Variants in ZBTB7C observed in about 807,000 individuals in gnomAD.
ZBTB7C encodes the protein zinc finger and BTB domain-containing protein 7C.
A neutral mutation model predicts 25.7 loss-of-function variants in ZBTB7C; 8 were observed. The observed-to-expected ratio is 0.31, with a 90% confidence interval of 0.18 to 0.56. The LOEUF (loss-of-function observed/expected upper bound fraction) is 0.56. ZBTB7C is among the 20% of genes least tolerant of loss of function. The pLI, the probability that ZBTB7C is intolerant of heterozygous loss-of-function variation, is 0.91. For synonymous variants in ZBTB7C, 394 were observed against 369.0 expected, an observed-to-expected ratio of 1.07 and a Z score of -0.78; for missense variants, 824 against 855.2, an observed-to-expected ratio of 0.96 and a Z score of 0.46.
At chr18:48,240,394 T>C (rs1247649257) in intron 2 of ZBTB7C, among the ~76,000 whole-genome samples, 1 of 152,188 alleles carries the variant, frequency 6.6e-6, no homozygotes, top group African/African-American at 2.4e-5. Flanking sequence ...CACATAGTCA[T>C]CAGGTTATCT....
chr18:48,222,949 C>A (rs1248568266), intron 2 of ZBTB7C, among the ~76,000 whole-genome samples: 1 of 152,154 alleles, frequency 6.6e-6, no homozygotes, highest in Non-Finnish European at 1.5e-5. Context: ...CCAGGAAGTC[C>A]CTGCCCCTGG....
intron 1 of ZBTB7C, among the ~76,000 whole-genome samples, chr18:48,383,065 T>G (rs1341778018): frequency 1.3e-5 from 2 of 152,132 alleles, no homozygotes; most frequent in Non-Finnish European, 2.9e-5. Context: ...CCTGCTTCCC[T>G]AACCTGAGCA....
At chr18:48,099,104 C>T (rs191895145) in intron 3 of ZBTB7C, among the ~76,000 whole-genome samples, 2 of 152,318 alleles carry the variant, frequency 1.3e-5, no homozygotes, top group East Asian at 1.9e-4. Context: ...CTAAGTATTA[C>T]ACTATTACTG....
At chr18:48,375,140 T>C (rs752593993) in intron 1 of ZBTB7C, among the ~76,000 whole-genome samples, 17 of 152,356 alleles carry the variant, frequency 1.1e-4, no homozygotes, top group Middle Eastern at 3.4e-3. Context: ...TCTGTTTTGC[T>C]TGTGTGCACT....
chr18:48,400,200 T>C (rs2048125602), intron 1 of ZBTB7C, among the ~76,000 whole-genome samples: 1 of 152,198 alleles, frequency 6.6e-6, no homozygotes, highest in Non-Finnish European at 1.5e-5. Flanking sequence ...GTATAAATGG[T>C]CCAGACAGAA....
At chr18:48,267,613 C>T (rs1324373558) in intron 2 of ZBTB7C, among the ~76,000 whole-genome samples, 6 of 152,186 alleles carry the variant, frequency 3.9e-5, no homozygotes, top group Admixed American at 6.5e-5. Flanking sequence ...CACATCAATA[C>T]GTGTCTCCAT....
At chr18:48,229,595 A>T (rs1251336571) in intron 2 of ZBTB7C, among the ~76,000 whole-genome samples, 1 of 152,242 alleles carries the variant, frequency 6.6e-6, no homozygotes, top group African/African-American at 2.4e-5. Context: ...GCATAAATCC[A>T]TTACTCAGAT....
At chr18:48,053,999 G>A (rs2036808622) in intron 3 of ZBTB7C, among the ~76,000 whole-genome samples, 1 of 152,244 alleles carries the variant, frequency 6.6e-6, no homozygotes. Flanking sequence ...GAGTGAGGAT[G>A]GCACATGCAG....
rs558150611 is a variant in ZBTB7C at position 48,256,778 on chromosome 18, T to C, written c.-78-70783A>G. Reference sequence around the variant, plus strand: ...GTATACTATTCACAAAGTGGTATAATATCATTTGAAAGTAGACTTTGACAT... The same window carrying C: ...GTATACTATTCACAAAGTGGTATAACATCATTTGAAAGTAGACTTTGACAT... On this transcript the variant is annotated intron_variant, in intron 2 of 4. Coordinates refer to ENST00000590800, the MANE Select transcript of ZBTB7C (RefSeq NM_001318841.2). Among the ~76,000 whole-genome samples, 98 of 152,062 alleles carry C rather than the reference T, an allele frequency of 6.4e-4. 4 individuals carry two copies. The highest frequency in any genetic ancestry group is 5.2e-4 in the Admixed American group (8 of 15,256).
chr18:48,202,531 C>T (rs539525842), intron 2 of ZBTB7C, among the ~76,000 whole-genome samples: 16 of 151,514 alleles, frequency 1.1e-4, no homozygotes, highest in African/African-American at 3.4e-4. Context: ...CTGGTGGCAG[C>T]GGGCTGCGAG....
chr18:48,303,104 G>T (rs186115930), intron 2 of ZBTB7C, among the ~76,000 whole-genome samples: 17 of 152,308 alleles, frequency 1.1e-4, no homozygotes, highest in Admixed American at 1.0e-3. Context: ...AGACCAATTT[G>T]CACCTTCTGT....
At position 48,397,899 on chromosome 18, in the gene ZBTB7C, T is replaced by C. The variant is rs149820387; in HGVS notation, c.-304+11327A>G. Among the ~76,000 whole-genome samples, 610 of 152,352 alleles carry C rather than the reference T, an allele frequency of 4.0e-3. 1 individual carries two copies. Among genetic ancestry groups the C allele is most frequent in the Middle Eastern group, 0.01 (3 of 294 alleles). On this transcript the variant is annotated intron_variant, in intron 1 of 4. Coordinates refer to ENST00000590800, the MANE Select transcript of ZBTB7C (RefSeq NM_001318841.2). ...ACCAAAGACTCCATCAGAATCCTAATGCACCTTGTATTCCCTGTGGGATCA... is the reference window on the plus strand; with the variant it reads ...ACCAAAGACTCCATCAGAATCCTAACGCACCTTGTATTCCCTGTGGGATCA...
intron 3 of ZBTB7C, among the ~76,000 whole-genome samples, chr18:48,177,414 G>A (rs1443189308): frequency 1.3e-5 from 2 of 152,176 alleles, no homozygotes; most frequent in Non-Finnish European, 2.9e-5. Context: ...CTCCTTCTTT[G>A]AGTAAGGGAC....
intron 2 of ZBTB7C, among the ~76,000 whole-genome samples, chr18:48,318,469 C>A (rs1476045748): frequency 6.6e-6 from 1 of 152,230 alleles, no homozygotes; most frequent in Non-Finnish European, 1.5e-5. Flanking sequence ...CCCTTGCAGA[C>A]CCATGCTGCC....
rs28666949 is a variant in ZBTB7C, at chr18:48,297,640, G to A, written c.-79+40534C>T. ...CAGGGCTTGGCAGCGCTGCAGTGCC[G>A]GGCAACTGCAGAACGTCTTAAACCT... On this transcript the variant is annotated intron_variant, in intron 2 of 4. Transcript: ENST00000590800. Among the ~76,000 whole-genome samples, 1,511 of 152,254 alleles carry A rather than the reference G, an allele frequency of 9.9e-3. 24 individuals carry two copies. Among genetic ancestry groups the A allele is most frequent in the African/African-American group, 0.035 (1,444 of 41,542 alleles).
intron 2 of ZBTB7C, among the ~76,000 whole-genome samples, chr18:48,331,574 G>A (rs563954682): frequency 3.6e-4 from 55 of 152,240 alleles, no homozygotes; most frequent in African/African-American, 1.3e-3. Flanking sequence ...GCCCATCCCC[G>A]TCCAAGAGGT....
chr18:48,392,923 A>T (rs187326601), intron 1 of ZBTB7C, among the ~76,000 whole-genome samples: 3 of 152,250 alleles, frequency 2.0e-5, no homozygotes, highest in Admixed American at 2.0e-4. Context: ...TCTACTGCTG[A>T]CCAGTGAGTG....
At chr18:48,116,116 C>T (rs1279399735) in intron 3 of ZBTB7C, among the ~76,000 whole-genome samples, 2 of 152,090 alleles carry the variant, frequency 1.3e-5, no homozygotes, top group African/African-American at 2.4e-5. Context: ...TTAATCCATT[C>T]CTCTACACCG....
At chr18:48,181,971 A>G (rs544201274) in intron 3 of ZBTB7C, among the ~76,000 whole-genome samples, 128 of 152,310 alleles carry the variant, frequency 8.4e-4, no homozygotes, top group African/African-American at 3.0e-3. Context: ...CACACCAGAC[A>G]TCGTATAATC....
Sources: gnomAD v4.1 joint callset for allele counts (sites outside exome capture counted in the v4.1 genomes callset) on GRCh38, gnomAD v4.1.1 for gene constraint, MANE v1.5 for transcripts, NCBI Gene and HGNC (gene_info 2026-07-23, HGNC 2026-07-21) for gene names.